UNC80: variants seen among roughly 807,000 people sequenced by gnomAD.
UNC80 encodes the protein protein unc-80 homolog.
A neutral mutation model predicts 384.6 loss-of-function variants in UNC80; 164 were observed. The ratio of observed to expected loss-of-function variants is 0.43; its 90% CI spans 0.38 to 0.49. UNC80 has a LOEUF of 0.49. UNC80 is among the 20% of genes least tolerant of loss of function. The pLI, the probability that UNC80 is intolerant of heterozygous loss-of-function variation, is 0.00. For synonymous variants in UNC80, 1,486 were observed against 1,527.8 expected, an observed-to-expected ratio of 0.97 and a Z score of 0.64; for missense variants, 3,330 against 4,143.0, an observed-to-expected ratio of 0.80 and a Z score of 5.39.
intron 25 of UNC80, among the ~76,000 whole-genome samples, chr2:209,882,352 TG>T (rs1231006727): frequency 1.3e-5 from 2 of 152,078 alleles, no homozygotes; most frequent in African/African-American, 4.8e-5. Context: ...AGTGAAAGAA[TG>T]GGGGTTCCGG....
intron 29 of UNC80, among the ~76,000 whole-genome samples, chr2:209,911,514 T>C (rs562519759): frequency 3.3e-5 from 5 of 152,334 alleles, no homozygotes; most frequent in African/African-American, 1.2e-4. Context: ...TGCATTTTCT[T>C]GGGTCGTTTT....
chr2:209,901,322 G>A (rs916339214), intron 28 of UNC80, among the ~76,000 whole-genome samples: 2 of 152,050 alleles, frequency 1.3e-5, no homozygotes, highest in African/African-American at 4.8e-5. Context: ...GAGCCCTTAA[G>A]AATTATGCTA....
intron 7 of UNC80, among the ~76,000 whole-genome samples, chr2:209,797,180 CT>C (rs373972580): frequency 8.5e-5 from 13 of 152,094 alleles, no homozygotes; most frequent in African/African-American, 2.2e-4. Context: ...AAACAATATT[CT>C]TTTTTTTCCT....
chr2:209,941,588 T>C, intron 44 of UNC80, 99 bp downstream of exon 44: 1 of 1,274,464 alleles, frequency 7.8e-7, no homozygotes, highest in South Asian at 2.2e-5. Context: ...AATGATGGTG[T>C]TATCATCTTC....
At chr2:209,785,933 A>G in intron 4 of UNC80, 133 bp from the exon 5 acceptor site, 1 of 1,002,472 alleles carries the variant, frequency 1.0e-6, no homozygotes, top group Non-Finnish European at 1.4e-6. Context: ...CATCTGACTA[A>G]TGAGAGAAGG....
intron 2 of UNC80, 141 bp downstream of exon 2, chr2:209,773,283 A>G: frequency 1.4e-6 from 1 of 739,286 alleles, no homozygotes; most frequent in Non-Finnish European, 2.2e-6. Flanking sequence ...TGCCAGGCAC[A>G]ATTCTCTGTG....
chr2:209,951,298 T>C (rs1277258277), intron 47 of UNC80, among the ~76,000 whole-genome samples: 1 of 150,904 alleles, frequency 6.6e-6, no homozygotes, highest in Non-Finnish European at 1.5e-5. Flanking sequence ...CCTTTTTTTT[T>C]CTCTCTCTCT....
intron 22 of UNC80, among the ~76,000 whole-genome samples, chr2:209,854,692 A>G (rs573030613): frequency 2.6e-5 from 4 of 152,358 alleles, no homozygotes; most frequent in African/African-American, 9.6e-5. Context: ...ACAAATGAAA[A>G]AAAAGCTCAA....
intron 48 of UNC80, among the ~76,000 whole-genome samples, chr2:209,955,124 T>C (rs2092350672): frequency 6.6e-6 from 1 of 152,122 alleles, no homozygotes; most frequent in African/African-American, 2.4e-5. Flanking sequence ...GCCTTCTTCC[T>C]GGGTTTAGTG....
chr2:209,866,525 C>CAG (rs1308031478), intron 22 of UNC80, among the ~76,000 whole-genome samples: 3 of 110,168 alleles, frequency 2.7e-5, no homozygotes, highest in African/African-American at 4.7e-5. Context: ...CACACACACA[C>CAG]ACACACACAG....
At chr2:209,886,192 A>G (rs1180928942) in intron 25 of UNC80, among the ~76,000 whole-genome samples, 2 of 151,736 alleles carry the variant, frequency 1.3e-5, no homozygotes, top group African/African-American at 4.8e-5. Context: ...AGGGTTTATT[A>G]TGTCATAATT....
intron 33 of UNC80, among the ~76,000 whole-genome samples, chr2:209,919,035 G>A (rs1459462830): frequency 1.3e-5 from 2 of 152,070 alleles, no homozygotes; most frequent in African/African-American, 2.4e-5. Flanking sequence ...AGAAAAAGAA[G>A]AGAGTTGGCA....
chr2:209,959,353 G>C (rs905595114), intron 50 of UNC80, 136 bp from the exon 51 acceptor site: 5 of 1,077,644 alleles, frequency 4.6e-6, no homozygotes, highest in Non-Finnish European at 6.7e-6. Flanking sequence ...TTCGGATGAG[G>C]TTCTCCTTGG....
chr2:209,944,946 G>A, intron 45 of UNC80, 105 bp from the exon 46 acceptor site: 1 of 1,286,210 alleles, frequency 7.8e-7, no homozygotes, highest in South Asian at 1.5e-5. Context: ...CCAGGTAGAT[G>A]TTGTACTTGT....
chr2:209,957,780 A>G, intron 49 of UNC80, 44 bp downstream of exon 49: 1 of 1,529,408 alleles, frequency 6.5e-7, no homozygotes, highest in Non-Finnish European at 8.9e-7. Context: ...TCAATTTCAT[A>G]CAACCCGAAT....
chr2:209,936,791 C>A, intron 40 of UNC80, 53 bp from the exon 41 acceptor site: 1 of 1,266,122 alleles, frequency 7.9e-7, no homozygotes, highest in Non-Finnish European at 1.1e-6. Context: ...TACTACCTAG[C>A]ACATAATATC....
At position 209,994,153 on chromosome 2, in the gene UNC80, A is replaced by G. The variant is rs370386829; in HGVS notation, c.9597A>G (p.Leu3199=). Residue 3199 remains leucine (L), a synonymous_variant, in exon 64 of 65, where the codon CTA becomes CTG. Transcript: ENST00000673920. ...ATGCGCTTCCTGCAACAGGCCAACT[A>G]CAGGGCTGTAGCCCAGCCCCTTCTA... is the stretch of plus-strand genomic sequence containing the variant. ...PTDALPATGQ[L]QGCSPAPSRK... is the part of the protein sequence containing the mutation. 1.5e-4 allele frequency: 230 copies of G among 1,551,458 alleles called. No homozygotes were observed. The highest frequency in any genetic ancestry group is 1.9e-4 in the Non-Finnish European group (222 of 1,146,976).
chr2:209,809,734 A>T (rs1424148854), intron 7 of UNC80, among the ~76,000 whole-genome samples: 1 of 152,084 alleles, frequency 6.6e-6, no homozygotes, highest in Non-Finnish European at 1.5e-5. Context: ...GCCGCACGGG[A>T]CTTTGATGAA....
intron 22 of UNC80, among the ~76,000 whole-genome samples, chr2:209,862,618 GTT>G (rs1312402656): frequency 8.1e-6 from 1 of 123,842 alleles, no homozygotes; most frequent in Non-Finnish European, 1.7e-5. Flanking sequence ...TTTAAAGTCT[GTT>G]TTGTCAGAGA....
Sources: allele counts gnomAD v4.1 joint callset (sites outside exome capture counted in the v4.1 genomes callset), GRCh38; gene constraint gnomAD v4.1.1; transcripts MANE v1.5; gene names NCBI Gene and HGNC (gene_info 2026-07-23, HGNC 2026-07-21).